TMEM38B: variants seen among roughly 807,000 people sequenced by gnomAD.
TMEM38B encodes transmembrane protein 38B.
Under a neutral mutation model 28.7 loss-of-function variants are expected in TMEM38B, and 24 were observed. The observed-to-expected ratio is 0.84, with a 90% CI of 0.61 to 1.18. The LOEUF (loss-of-function observed/expected upper bound fraction) is 1.18. TMEM38B is among the 50% of genes most tolerant of loss of function. TMEM38B has a pLI of 0.00. For missense variants in TMEM38B, 380 were observed against 350.9 expected (o/e 1.08, Z -0.66); for synonymous variants, 131 against 127.7 (o/e 1.03, Z -0.17).
At chr9:105,709,749 A>G (rs1338612557) in intron 2 of TMEM38B, among the ~76,000 whole-genome samples, 1 of 152,252 alleles carries the variant, frequency 6.6e-6, no homozygotes, top group African/African-American at 2.4e-5. Flanking sequence ...GTACAAGTAA[A>G]TAAACGCAGA....
intron 2 of TMEM38B, among the ~76,000 whole-genome samples, chr9:105,709,391 C>T (rs1835810348): frequency 6.6e-6 from 1 of 152,090 alleles, no homozygotes; most frequent in Admixed American, 6.5e-5. Context: ...TATAACCACA[C>T]AATTACTTAT....
chr9:105,723,514 C>T (rs145714391), intron 4 of TMEM38B, among the ~76,000 whole-genome samples: 159 of 151,938 alleles, frequency 1.0e-3, no homozygotes, highest in African/African-American at 3.7e-3. Flanking sequence ...ACCTCAGCCT[C>T]CTGAGTAGTT....
intron 1 of TMEM38B, among the ~76,000 whole-genome samples, chr9:105,696,165 A>T (rs1425329923): frequency 6.6e-6 from 1 of 152,234 alleles, no homozygotes; most frequent in Non-Finnish European, 1.5e-5. Context: ...GGAAGTAGAT[A>T]TGAGAATCTA....
chr9:105,734,302 G>C (rs1836885191), intron 4 of TMEM38B, among the ~76,000 whole-genome samples: 1 of 152,032 alleles, frequency 6.6e-6, no homozygotes, highest in African/African-American at 2.4e-5. Context: ...TGGTCAAAAT[G>C]ACACTTGATG....
chr9:105,760,022 T>C (rs1837979925), intron 5 of TMEM38B: 16 of 1,412,388 alleles, frequency 1.1e-5, no homozygotes, highest in Non-Finnish European at 1.5e-5. Context: ...AAAAGTTCAA[T>C]AGAATTTTCA....
chr9:105,739,000 G>A (rs1298457188), intron 4 of TMEM38B, among the ~76,000 whole-genome samples: 1 of 152,146 alleles, frequency 6.6e-6, no homozygotes, highest in African/African-American at 2.4e-5. Flanking sequence ...GGGATTATAG[G>A]TGTGAATCAC....
intron 1 of TMEM38B, among the ~76,000 whole-genome samples, 192 bp from the exon 2 acceptor site, chr9:105,705,405 A>G (rs1198320803): frequency 2.6e-5 from 4 of 152,228 alleles, no homozygotes; most frequent in Non-Finnish European, 1.5e-5. Flanking sequence ...TCACCCATTA[A>G]CAAAATGTTT....
At chr9:105,720,432 T>C (rs1471157843) in intron 2 of TMEM38B, among the ~76,000 whole-genome samples, 1 of 152,072 alleles carries the variant, frequency 6.6e-6, no homozygotes, top group African/African-American at 2.4e-5. Flanking sequence ...GAATGTAGTC[T>C]GAGCTGAGAT....
intron 2 of TMEM38B, among the ~76,000 whole-genome samples, chr9:105,718,675 T>C (rs1836201484): frequency 6.6e-6 from 1 of 152,208 alleles, no homozygotes; most frequent in Non-Finnish European, 1.5e-5. Context: ...AAACAATAAC[T>C]TGGTATGTCA....
In TMEM38B at chr9:105,731,241, C is replaced by A. The variant is rs1423602160; in HGVS notation, c.542+8620C>A. On this transcript the variant is annotated intron_variant, in intron 4 of 5. Transcript: ENST00000374692. Reference sequence around the variant, plus strand: ...CCCTCTACACACCACTTTAAATGTGCCCCAGAGATTCTGGTACGTTGTAGC... The same window carrying A: ...CCCTCTACACACCACTTTAAATGTGACCCAGAGATTCTGGTACGTTGTAGC... Among the ~76,000 whole-genome samples, 10 of 151,942 alleles carry A rather than the reference C, an allele frequency of 6.6e-5. No individual in the cohort carries two copies. The South Asian group carries it at 1.9e-3, about 28-fold the overall frequency.
At chr9:105,758,470 C>G in intron 5 of TMEM38B, 1 of 1,346,094 alleles carries the variant, frequency 7.4e-7, no homozygotes, top group Non-Finnish European at 1.1e-6. Flanking sequence ...GCAGGAGAAG[C>G]AGTGGATTGG....
intron 2 of TMEM38B, among the ~76,000 whole-genome samples, chr9:105,711,900 C>A (rs901793604): frequency 1.3e-5 from 2 of 151,880 alleles, no homozygotes; most frequent in African/African-American, 4.8e-5. Context: ...TTTGTGTGTC[C>A]CATTCCAATC....
chr9:105,744,601 TTTAC>T (rs1837321763), intron 4 of TMEM38B, among the ~76,000 whole-genome samples: 1 of 152,020 alleles, frequency 6.6e-6, no homozygotes, highest in African/African-American at 2.4e-5. Flanking sequence ...TATTTTTTAT[TTTAC>T]TTTAAGTTTT....
Position 105,752,585 on chromosome 9 carries a change from G to T in TMEM38B, c.660+4395G>T, listed in dbSNP as rs562939136. Among the ~76,000 whole-genome samples the T allele has an allele frequency of 4.6e-5, 7 of 152,186 alleles. No homozygotes were observed. The South Asian group carries it at 1.5e-3, about 32-fold the overall frequency. On this transcript the variant is annotated intron_variant, in intron 5 of 5. Coordinates refer to ENST00000374692, the MANE Select transcript of TMEM38B (RefSeq NM_018112.3). ...CCTCAGCAAACCGCAGCAACCCTGT[G>T]GTAGACTGGCCTGACTGTTAAAAAC...
intron 1 of TMEM38B, among the ~76,000 whole-genome samples, chr9:105,704,465 A>G (rs13291819): frequency 0.21 from 31,904 of 152,140 alleles, 4,340 homozygotes; most frequent in Non-Finnish European, 0.31. Context: ...GTTCATATCT[A>G]GAATGTTTTA....
At chr9:105,735,310 T>C (rs973876928) in intron 4 of TMEM38B, among the ~76,000 whole-genome samples, 14 of 152,232 alleles carry the variant, frequency 9.2e-5, no homozygotes, top group African/African-American at 2.2e-4. Context: ...TACTAGAAGA[T>C]TGAAAGATTT....
In TMEM38B at chr9:105,745,899, G is replaced by A. The variant is rs540801793; in HGVS notation, c.543-2174G>A. ...AAAGATGAAATAGTTGTAGATGTGT[G>A]GTATTATTTCTGAGGGCTCTGTTCT... On this transcript the variant is annotated intron_variant, in intron 4 of 5. Transcript: ENST00000374692. Among the ~76,000 whole-genome samples the A allele has an allele frequency of 2.6e-5, 4 of 152,174 alleles. No homozygotes were observed. The South Asian group carries it at 6.2e-4, about 24-fold the overall frequency.
At chr9:105,768,144 T>C (rs934508835) in intron 5 of TMEM38B, among the ~76,000 whole-genome samples, 1 of 152,140 alleles carries the variant, frequency 6.6e-6, no homozygotes, top group Admixed American at 6.5e-5. Context: ...TGAATGGGTG[T>C]GGGATTTTGT....
intron 4 of TMEM38B, among the ~76,000 whole-genome samples, chr9:105,727,998 C>A (rs1021521694): frequency 2.0e-5 from 3 of 152,132 alleles, no homozygotes; most frequent in Non-Finnish European, 4.4e-5. Flanking sequence ...AGAAGCTGGG[C>A]AGATTTTGGT....
Sources: allele counts gnomAD v4.1 joint callset (sites outside exome capture counted in the v4.1 genomes callset), GRCh38; gene constraint gnomAD v4.1.1; transcripts MANE v1.5; gene names NCBI Gene and HGNC (gene_info 2026-07-23, HGNC 2026-07-21).